The following COL4A2 variants were observed in gnomAD, a reference collection of about 807,000 sequenced individuals.
COL4A2 encodes collagen alpha-2(IV) chain.
A neutral mutation model predicts 200.2 loss-of-function variants in COL4A2; 99 were observed. The observed-to-expected ratio is 0.49, with a 90% CI of 0.42 to 0.58. COL4A2 has a LOEUF of 0.58. COL4A2 is among the 20% of genes least tolerant of loss of function. COL4A2 has a pLI of 0.00. For missense variants in COL4A2, 1,950 were observed against 2,314.1 expected, an observed-to-expected ratio of 0.84 and a Z score of 3.23; for synonymous variants, 897 against 900.6, an observed-to-expected ratio of 1.00 and a Z score of 0.07.
chr13:110,310,272 C>G (rs1234205149), intron 3 of COL4A2, among the ~76,000 whole-genome samples: 1 of 152,206 alleles, frequency 6.6e-6, no homozygotes, highest in Non-Finnish European at 1.5e-5. Context: ...CAGACCTAAA[C>G]CCTGAAAGGC....
At chr13:110,445,533 C>T (rs908137093) in intron 16 of COL4A2, among the ~76,000 whole-genome samples, 1 of 152,134 alleles carries the variant, frequency 6.6e-6, no homozygotes, top group East Asian at 1.9e-4. Flanking sequence ...TCTTCAACAA[C>T]CACAAAATGA....
chr13:110,446,157 C>T (rs1881314158), intron 17 of COL4A2, among the ~76,000 whole-genome samples: 1 of 152,170 alleles, frequency 6.6e-6, no homozygotes, highest in African/African-American at 2.4e-5. Context: ...GAAGGCAGGC[C>T]TTGTAGTAAC....
intron 3 of COL4A2, among the ~76,000 whole-genome samples, chr13:110,314,986 C>A (rs1344444019): frequency 1.3e-5 from 2 of 152,140 alleles, no homozygotes; most frequent in African/African-American, 4.8e-5. Flanking sequence ...TAGTTAGGGG[C>A]CAAGGGAAAG....
chr13:110,348,187 T>A (rs776514812), intron 3 of COL4A2, among the ~76,000 whole-genome samples: 6 of 152,238 alleles, frequency 3.9e-5, no homozygotes, highest in Non-Finnish European at 7.3e-5. Context: ...TGGCACTCAC[T>A]GGCATTCCAG....
Position 110,503,933 on chromosome 13 carries a change from A to G in COL4A2, c.4225A>G (p.Arg1409Gly). Residue 1409 changes from arginine (R) to glycine (G), a missense_variant, in exon 44 of 48, where the codon AGG becomes GGG. Around this residue, in one of 2 missense-constraint regions of COL4A2, gnomAD observed 1,385 missense variants for 1,720.5 expected, o/e 0.80. Coordinates refer to ENST00000360467, the MANE Select transcript of COL4A2 (RefSeq NM_001846.4). ...ACCAGGGACAGTGGGTCCCCAGGGGAGGCGAGGCCCCCCTGGGGCACCGGG... is the reference window on the plus strand; with the variant it reads ...ACCAGGGACAGTGGGTCCCCAGGGGGGGCGAGGCCCCCCTGGGGCACCGGG... ...VQPGTVGPQG[R>G]RGPPGAPGEM... The G allele has an allele frequency of 6.3e-7, 1 of 1,581,672 alleles. No homozygotes were observed. The highest frequency in any genetic ancestry group is 8.6e-7 in the Non-Finnish European group (1 of 1,157,316).
chr13:110,431,746 C>G lies in COL4A2; in HGVS notation c.649-579C>G, dbSNP rs2139460176. Among the ~76,000 whole-genome samples the G allele has an allele frequency of 2.0e-5, 3 of 152,286 alleles. No individual in the cohort carries two copies. The Middle Eastern group carries it at 0.01, about 518-fold the overall frequency. Reference sequence around the variant, plus strand: ...TGAGCCATGCAATCATCCACAACCCCCTCCCTATCCACTCCTTTGTATCCA... The same window carrying G: ...TGAGCCATGCAATCATCCACAACCCGCTCCCTATCCACTCCTTTGTATCCA... On this transcript the variant is annotated intron_variant, in intron 10 of 47. Coordinates refer to ENST00000360467, the MANE Select transcript of COL4A2 (RefSeq NM_001846.4).
chr13:110,364,066 CT>C (rs1365989449), intron 4 of COL4A2, among the ~76,000 whole-genome samples: 1 of 152,202 alleles, frequency 6.6e-6, no homozygotes, highest in East Asian at 1.9e-4. Context: ...CTGGTCGGAC[CT>C]CTTTGCAAAC....
intron 4 of COL4A2, among the ~76,000 whole-genome samples, chr13:110,370,500 C>T (rs542569004): frequency 3.0e-4 from 46 of 152,196 alleles, no homozygotes; most frequent in Non-Finnish European, 5.3e-4. Flanking sequence ...CGTGGTCCGC[C>T]CACCTTGGCC....
In COL4A2 at chr13:110,512,137, C is replaced by T. The variant is rs150809854; in HGVS notation, c.5085C>T (p.Ala1695=). 5.7e-5 allele frequency: 92 copies of T among 1,613,410 alleles called. 1 individual carries two copies. The highest frequency in any genetic ancestry group is 4.9e-4 in the Middle Eastern group (3 of 6,062). The change falls in exon 48 of 48, where the codon GCC becomes GCT. Residue 1695 remains alanine, a synonymous_variant. Transcript: ENST00000360467. Reference sequence around the variant, plus strand: ...CGCCCTCCGCCGACACGCTCAAGGCCGGCCTCATCCGCACACACATCAGCC... The same window carrying T: ...CGCCCTCCGCCGACACGCTCAAGGCTGGCCTCATCCGCACACACATCAGCC... ...QGSPSADTLK[A]GLIRTHISRC...
intron 3 of COL4A2, among the ~76,000 whole-genome samples, chr13:110,328,885 A>G (rs1875770240): frequency 6.6e-6 from 1 of 152,220 alleles, no homozygotes; most frequent in African/African-American, 2.4e-5. Context: ...CATATATTAG[A>G]TCACTTTTTG....
chr13:110,317,769 A>G (rs2139347690), intron 3 of COL4A2, among the ~76,000 whole-genome samples: 1 of 152,292 alleles, frequency 6.6e-6, no homozygotes, highest in East Asian at 1.9e-4. Context: ...TGTAAAGGGG[A>G]AAAGGAGGGG....
intron 40 of COL4A2, among the ~76,000 whole-genome samples, chr13:110,496,453 A>G (rs1468039178): frequency 1.3e-5 from 2 of 152,264 alleles, no homozygotes; most frequent in Non-Finnish European, 2.9e-5. Flanking sequence ...GGGCTCTGCC[A>G]ACAGGAGCCA....
At chr13:110,458,060 C>T (rs1359528867) in intron 21 of COL4A2, 1 of 455,592 alleles carries the variant, frequency 2.2e-6, no homozygotes, top group African/African-American at 2.0e-5. Flanking sequence ...TCTCCCCTCC[C>T]AGAACATGGG....
intron 26 of COL4A2, among the ~76,000 whole-genome samples, chr13:110,466,480 G>A (rs1010935163): frequency 6.6e-6 from 1 of 152,146 alleles, no homozygotes; most frequent in Non-Finnish European, 1.5e-5. Flanking sequence ...TTGCAAGAGA[G>A]CCTCTTAGAC....
chr13:110,379,580 A>C (rs1878381451), intron 4 of COL4A2, among the ~76,000 whole-genome samples: 1 of 151,882 alleles, frequency 6.6e-6, no homozygotes, highest in Non-Finnish European at 1.5e-5. Flanking sequence ...CTTCTCATGC[A>C]CCCCCAAATC....
chr13:110,481,921 TGCTGGAGACACACTGCTCTGTCCCTCCG>T (rs1882944331), intron 31 of COL4A2, among the ~76,000 whole-genome samples: 4 of 38,474 alleles, frequency 1.0e-4, no homozygotes, highest in Admixed American at 2.6e-4. Flanking sequence ...TGTCCCTCCG[TGCTGGAGACACACTGCTCTGTCCCTCCG>T]TGCTGGAGAC....
intron 13 of COL4A2, among the ~76,000 whole-genome samples, chr13:110,437,717 G>T (rs539650227): frequency 2.0e-5 from 3 of 152,154 alleles, no homozygotes; most frequent in Non-Finnish European, 4.4e-5. Context: ...TGCCTGGAAC[G>T]GTGTGGGGGA....
chr13:110,341,000 C>T (rs931168627), intron 3 of COL4A2: 6 of 152,120 alleles, frequency 3.9e-5, no homozygotes, highest in African/African-American at 1.5e-4. Flanking sequence ...CAGTGTTTGA[C>T]TGTTTATGGT....
At chr13:110,342,719 G>A (rs1050788252) in intron 3 of COL4A2, among the ~76,000 whole-genome samples, 2 of 152,094 alleles carry the variant, frequency 1.3e-5, no homozygotes, top group East Asian at 1.9e-4. Context: ...CCTGGAGCCC[G>A]GGCACCCTTG....
Sources: gnomAD v4.1 joint callset for allele counts (sites outside exome capture counted in the v4.1 genomes callset) on GRCh38, gnomAD v4.1.1 for gene constraint, gnomAD v4.1.1 regional missense constraint, MANE v1.5 for transcripts, NCBI Gene and HGNC (gene_info 2026-07-23, HGNC 2026-07-21) for gene names.